The following NELL1 variants were observed in gnomAD, a reference collection of about 807,000 sequenced individuals.
The protein encoded by NELL1 is protein kinase C-binding protein NELL1.
In NELL1, 76 loss-of-function variants were observed where a neutral mutation model predicts 107.4. The ratio of observed to expected loss-of-function variants is 0.71; its 90% CI spans 0.59 to 0.86. The LOEUF (loss-of-function observed/expected upper bound fraction) is 0.86, where lower values mean the gene tolerates loss of function less well. NELL1 is among the 40% of genes least tolerant of loss of function. The probability of loss-of-function intolerance (pLI) is 0.00; values close to 1 mark genes in which losing one functional copy is unlikely to be tolerated. For synonymous variants in NELL1, 353 were observed against 341.2 expected, an observed-to-expected ratio of 1.03 and a Z score of -0.38; for missense variants, 1,024 against 1,005.5, an observed-to-expected ratio of 1.02 and a Z score of -0.25.
chr11:20,787,860 T>C (rs1856999406), intron 3 of NELL1, among the ~76,000 whole-genome samples: 1 of 152,180 alleles, frequency 6.6e-6, no homozygotes, highest in Admixed American at 6.5e-5. Flanking sequence ...TCACCCACAA[T>C]TTCCCCATAA....
At chr11:20,850,453 C>A (rs1848775517) in intron 4 of NELL1, among the ~76,000 whole-genome samples, 1 of 152,196 alleles carries the variant, frequency 6.6e-6, no homozygotes, top group Non-Finnish European at 1.5e-5. Context: ...CATAGATTAA[C>A]TTATTCCATA....
At chr11:21,474,441 C>T (rs1171987274) in intron 15 of NELL1, among the ~76,000 whole-genome samples, 1 of 151,824 alleles carries the variant, frequency 6.6e-6, no homozygotes, top group Non-Finnish European at 1.5e-5. Context: ...GCTGAATTCC[C>T]AAAGCCAAGA....
At chr11:21,563,471 G>T (rs1470108671) in intron 17 of NELL1, among the ~76,000 whole-genome samples, 1 of 151,976 alleles carries the variant, frequency 6.6e-6, no homozygotes, top group Non-Finnish European at 1.5e-5. Context: ...TCTGCCCTCT[G>T]TATTTGTTGG....
At chr11:21,249,010 A>C (rs1024284911) in intron 14 of NELL1, among the ~76,000 whole-genome samples, 1 of 152,110 alleles carries the variant, frequency 6.6e-6, no homozygotes, top group Non-Finnish European at 1.5e-5. Context: ...GATCCTGATG[A>C]TACTGTTGCT....
intron 3 of NELL1, among the ~76,000 whole-genome samples, chr11:20,826,537 A>G (rs55998811): frequency 0.07 from 10,654 of 151,256 alleles, 722 homozygotes; most frequent in South Asian, 0.087. Flanking sequence ...GACAGCTGGC[A>G]TTCTCTGCCT....
intron 3 of NELL1, 23 bp from the exon 4 acceptor site, chr11:20,847,560 A>G (rs919212797): frequency 3.1e-6 from 5 of 1,603,896 alleles, no homozygotes; most frequent in Admixed American, 1.7e-5. Flanking sequence ...AAATAAAACA[A>G]ATGTTTGTTC....
rs74579750 is a variant in NELL1 at position 21,336,357 on chromosome 11, A to G, written c.1550-34496A>G. Among the ~76,000 whole-genome samples the G allele has an allele frequency of 9.9e-5, 15 of 152,096 alleles. No individual in the cohort carries two copies. The East Asian group carries it at 2.9e-3, about 29-fold the overall frequency. ...CGTTTGTACCCATTGTTAACAGTGAATCACTTGAGGTTTGTAGAAATTTGT... is the reference window on the plus strand; with the variant it reads ...CGTTTGTACCCATTGTTAACAGTGAGTCACTTGAGGTTTGTAGAAATTTGT... On this transcript the variant is annotated intron_variant, in intron 14 of 19. Transcript: ENST00000357134.
rs568442533 is a variant in NELL1 at position 21,369,201 on chromosome 11, A to G, written c.1550-1652A>G. Among the ~76,000 whole-genome samples, 4 of 152,104 alleles carry G rather than the reference A, an allele frequency of 2.6e-5. No individual in the cohort carries two copies. In the East Asian group the frequency reaches 7.7e-4, roughly 29 times the overall value. ...TAAAACTTTTTCTTACTGGCTTTCC[A>G]TCTGTTATTTTTAGCTTGCAAAAAC... On this transcript the variant is annotated intron_variant, in intron 14 of 19. Transcript: ENST00000357134.
chr11:21,136,787 T>G (rs929500953), intron 13 of NELL1, among the ~76,000 whole-genome samples: 2 of 152,202 alleles, frequency 1.3e-5, no homozygotes, highest in African/African-American at 2.4e-5. Flanking sequence ...GTCCACTTTT[T>G]TTTAGAGTAC....
Position 20,975,735 on chromosome 11 carries a change from GTATGTATTATATAATATACATATTATA to G in NELL1, c.1300+15188_1300+15214del, listed in dbSNP as rs1316902542. 7.7e-3 allele frequency among the ~76,000 whole-genome samples: 699 copies of G among 90,228 alleles called. 6 individuals carry two copies. The highest frequency in any genetic ancestry group is 0.01 in the Non-Finnish European group (505 of 48,152). 59.2% of individuals were successfully genotyped at this position (90,228 alleles called of 152,430 possible). On this transcript the variant is annotated intron_variant, in intron 12 of 19. Transcript: ENST00000357134. ...ACATATTATATATGTATTATATAAT[GTATGTATTATATAATATACATATTATA>G]TATGTATTATATGATATACATATTA...
intron 2 of NELL1, among the ~76,000 whole-genome samples, chr11:20,700,001 G>A (rs1854731718): frequency 1.3e-5 from 2 of 150,664 alleles, no homozygotes; most frequent in African/African-American, 4.9e-5. Context: ...GTATCTCATT[G>A]TGGTTTTAAT....
chr11:20,963,515 G>A (rs1851330080), intron 12 of NELL1, among the ~76,000 whole-genome samples: 1 of 151,838 alleles, frequency 6.6e-6, no homozygotes, highest in South Asian at 2.1e-4. Context: ...AATAAAATAG[G>A]GTTTTAGCAA....
intron 14 of NELL1, among the ~76,000 whole-genome samples, chr11:21,308,807 T>G (rs7945141): frequency 0.018 from 2,716 of 152,132 alleles, 86 homozygotes; most frequent in African/African-American, 0.062. Flanking sequence ...CATAGTAAAG[T>G]GCTTAATTTC....
chr11:21,296,088 A>G (rs1849369523), intron 14 of NELL1, among the ~76,000 whole-genome samples: 1 of 152,040 alleles, frequency 6.6e-6, no homozygotes, highest in African/African-American at 2.4e-5. Context: ...AATATTGTAT[A>G]TGTCTAAACA....
intron 14 of NELL1, among the ~76,000 whole-genome samples, chr11:21,282,213 G>A (rs987153033): frequency 6.6e-6 from 1 of 152,064 alleles, no homozygotes; most frequent in East Asian, 1.9e-4. Context: ...TTTCTCAAAA[G>A]AAGACATACA....
intron 12 of NELL1, among the ~76,000 whole-genome samples, chr11:20,989,334 T>C (rs1320209740): frequency 2.6e-5 from 4 of 152,134 alleles, no homozygotes; most frequent in African/African-American, 9.7e-5. Context: ...ATGTTCCCAA[T>C]TCTGGGCTGG....
At chr11:21,076,557 C>T (rs1039637297) in intron 12 of NELL1, among the ~76,000 whole-genome samples, 1 of 152,156 alleles carries the variant, frequency 6.6e-6, no homozygotes, top group East Asian at 1.9e-4. Flanking sequence ...TAAGAGAATA[C>T]GTTATCTCTA....
chr11:21,232,149 A>AAT (rs1554985093), intron 14 of NELL1, among the ~76,000 whole-genome samples: 7 of 53,850 alleles, frequency 1.3e-4, no homozygotes, highest in Admixed American at 3.7e-4. Context: ...AAAAAAAATA[A>AAT]AAAAAAAAAA....
chr11:21,130,307 C>T (rs1855585959), intron 13 of NELL1, among the ~76,000 whole-genome samples: 1 of 152,102 alleles, frequency 6.6e-6, no homozygotes. Flanking sequence ...TGGGTCATGG[C>T]TGTCTTCCTA....
Sources: allele counts gnomAD v4.1 joint callset (sites outside exome capture counted in the v4.1 genomes callset), GRCh38; gene constraint gnomAD v4.1.1; transcripts MANE v1.5; gene names NCBI Gene and HGNC (gene_info 2026-07-23, HGNC 2026-07-21).